Variants in LINGO2 observed in about 807,000 individuals in gnomAD.
LINGO2 encodes leucine rich repeat and Ig domain containing 2, also known as leucine-rich repeat and immunoglobulin-like domain-containing nogo receptor-interacting protein 2.
In LINGO2, 14 loss-of-function variants were observed where a neutral mutation model predicts 30.6. That is an observed-to-expected ratio of 0.46 (90% CI 0.30 to 0.72). The LOEUF is 0.72. Ranked by LOEUF, LINGO2 falls within the 30% of genes least tolerant of loss-of-function variation. The pLI is 0.07. For missense variants in LINGO2, 729 were observed against 751.7 expected, an observed-to-expected ratio of 0.97 and a Z score of 0.35; for synonymous variants, 317 against 288.5, an observed-to-expected ratio of 1.10 and a Z score of -1.00.
At chr9:28,881,962 G>C in the LINGO2 span, among the ~76,000 whole-genome samples, 2 of 152,126 alleles carry the variant, frequency 1.3e-5, no homozygotes, top group African/African-American at 4.8e-5. Flanking sequence ...AGTGGGTTTT[G>C]AGGCTTTAAT....
chr9:28,921,652 C>T, the LINGO2 span, among the ~76,000 whole-genome samples: 1 of 152,124 alleles, frequency 6.6e-6, no homozygotes, highest in South Asian at 2.1e-4. Context: ...GAGAGATAAG[C>T]TAACCCTCAG....
the LINGO2 span, among the ~76,000 whole-genome samples, chr9:28,985,300 T>G: frequency 2.0e-5 from 3 of 152,128 alleles, no homozygotes; most frequent in Non-Finnish European, 4.4e-5. Context: ...TTCCATATCT[T>G]GGCTGTCAAT....
At chr9:27,947,235 A>G (rs1823399866), downstream of LINGO2, among the ~76,000 whole-genome samples, 1 of 152,198 alleles carries the variant, frequency 6.6e-6, no homozygotes, top group African/African-American at 2.4e-5. Flanking sequence ...TCATTCACTG[A>G]ACATTTAGCC....
chr9:28,003,678 G>A (rs911689115), intron 5 of LINGO2, among the ~76,000 whole-genome samples: 2 of 152,122 alleles, frequency 1.3e-5, no homozygotes, highest in African/African-American at 2.4e-5. Context: ...AGCCAGGATG[G>A]TCTCGATCTC....
At chr9:29,179,717 T>C in the LINGO2 span, among the ~76,000 whole-genome samples, 2 of 152,220 alleles carry the variant, frequency 1.3e-5, no homozygotes, top group African/African-American at 4.8e-5. Flanking sequence ...TGAGCACTTA[T>C]TTCTGAGTGC....
chr9:29,213,428 A>G, the LINGO2 span, among the ~76,000 whole-genome samples: 1 of 152,136 alleles, frequency 6.6e-6, no homozygotes, highest in Non-Finnish European at 1.5e-5. Context: ...CTGCAGCGCG[A>G]AGGTGTCTAC....
chr9:28,241,794 C>A lies in LINGO2; in HGVS notation c.-87+53414G>T, dbSNP rs532773441. 2.0e-5 allele frequency among the ~76,000 whole-genome samples: 3 copies of A among 152,254 alleles called. No homozygotes were observed. In the South Asian group the frequency reaches 6.2e-4, roughly 32 times the overall value. On this transcript the variant is annotated intron_variant, in intron 4 of 5. Coordinates refer to ENST00000379992, the Ensembl canonical transcript of LINGO2. The stretch of plus-strand genomic sequence containing the variant: ...AGTAGGCACCCATCTTTGCTCTTCT[C>A]CAGCCTCCCTGAATAACATCTCCAG...
intron 1 of LINGO2, among the ~76,000 whole-genome samples, chr9:28,480,746 T>A (rs1230946257): frequency 6.6e-6 from 1 of 152,108 alleles, no homozygotes; most frequent in Non-Finnish European, 1.5e-5. Context: ...TTTTCTTACT[T>A]TATTTTACTT....
At chr9:28,468,534 C>A (rs1825400144) in intron 2 of LINGO2, among the ~76,000 whole-genome samples, 1 of 152,092 alleles carries the variant, frequency 6.6e-6, no homozygotes, top group Admixed American at 6.6e-5. Context: ...ACATCTAAGG[C>A]CCCAAGAAGA....
the LINGO2 span, among the ~76,000 whole-genome samples, chr9:28,773,770 T>A: frequency 7.2e-5 from 11 of 152,124 alleles, no homozygotes; most frequent in Non-Finnish European, 1.5e-4. Context: ...GAAAGGGTAA[T>A]TCAACTGGAG....
chr9:28,384,015 A>T (rs1201627710), intron 2 of LINGO2, among the ~76,000 whole-genome samples: 1 of 151,996 alleles, frequency 6.6e-6, no homozygotes, highest in Non-Finnish European at 1.5e-5. Flanking sequence ...ACATATGTTC[A>T]TTTTCACTAA....
chr9:28,965,932 A>AT, the LINGO2 span, among the ~76,000 whole-genome samples: 1 of 152,192 alleles, frequency 6.6e-6, no homozygotes, highest in African/African-American at 2.4e-5. Context: ...TAGACAGGAT[A>AT]TTTTTGCGAA....
At chr9:28,390,709 C>T (rs1053135847) in intron 2 of LINGO2, among the ~76,000 whole-genome samples, 1 of 152,158 alleles carries the variant, frequency 6.6e-6, no homozygotes, top group African/African-American at 2.4e-5. Context: ...GGATAATACA[C>T]ATCTGACTTC....
intron 4 of LINGO2, among the ~76,000 whole-genome samples, chr9:28,143,585 C>G (rs553841759): frequency 2.0e-5 from 3 of 152,124 alleles, no homozygotes; most frequent in South Asian, 4.2e-4. Context: ...AATCAAATTG[C>G]TCAACCTTTT....
At chr9:28,356,824 T>C (rs1335604251) in intron 3 of LINGO2, among the ~76,000 whole-genome samples, 2 of 152,080 alleles carry the variant, frequency 1.3e-5, no homozygotes, top group African/African-American at 4.8e-5. Flanking sequence ...GCTCTTACTA[T>C]TGGATCCTAT....
At chr9:29,168,250 A>G in the LINGO2 span, among the ~76,000 whole-genome samples, 16 of 151,802 alleles carry the variant, frequency 1.1e-4, no homozygotes, top group South Asian at 2.1e-4. Context: ...CAAACCAAAC[A>G]AGCTAATATA....
chr9:28,971,998 T>G, the LINGO2 span, among the ~76,000 whole-genome samples: 1 of 152,220 alleles, frequency 6.6e-6, no homozygotes, highest in South Asian at 2.1e-4. Flanking sequence ...AACAAGAGTC[T>G]CTACCTGGTA....
the LINGO2 span, among the ~76,000 whole-genome samples, chr9:28,826,330 A>T: frequency 6.6e-6 from 1 of 152,162 alleles, no homozygotes; most frequent in Non-Finnish European, 1.5e-5. Flanking sequence ...GAGTTATTAT[A>T]TCTCTTACTC....
the LINGO2 span, among the ~76,000 whole-genome samples, chr9:28,699,494 C>A: frequency 6.6e-6 from 1 of 151,958 alleles, no homozygotes; most frequent in Non-Finnish European, 1.5e-5. Context: ...GTTAACTGTA[C>A]AAATTGATTG....
Sources: allele counts gnomAD v4.1 joint callset (sites outside exome capture counted in the v4.1 genomes callset), GRCh38; gene constraint gnomAD v4.1.1; transcripts MANE v1.5; gene names NCBI Gene and HGNC (gene_info 2026-07-23, HGNC 2026-07-21).